The following SMG1 variants were observed in gnomAD, a reference collection of about 807,000 sequenced individuals.
The protein encoded by SMG1 is serine/threonine-protein kinase SMG1.
Under a neutral mutation model 419.9 loss-of-function variants are expected in SMG1, and 22 were observed. That is an observed-to-expected ratio of 0.05 (90% CI 0.04 to 0.07). SMG1 has a LOEUF of 0.07. SMG1 is among the 10% of genes least tolerant of loss of function. SMG1 has a pLI of 1.00. For missense variants in SMG1, 3,185 were observed against 4,342.0 expected (o/e 0.73, Z 7.49); for synonymous variants, 1,538 against 1,553.5 (o/e 0.99, Z 0.23).
rs746488484 is a variant in SMG1, at chr16:18,834,296, A to T, written c.8473T>A (p.Cys2825Ser). 1.2e-6 allele frequency: 2 copies of T among 1,612,362 alleles called. No individual in the cohort carries two copies. The highest frequency in any genetic ancestry group is 1.7e-6 in the Non-Finnish European group (2 of 1,179,234). ...TCTAAGTCCTGTGGCACCAGGTGGCACTGCTTCAGTAACTGAACCAAGCAG... is the reference window on the plus strand; with the variant it reads ...TCTAAGTCCTGTGGCACCAGGTGGCTCTGCTTCAGTAACTGAACCAAGCAG... Reference protein sequence around the residue: ...VTCLVQLLKQCHLVPQDLDIP... With the variant: ...VTCLVQLLKQSHLVPQDLDIP... The change falls in exon 50 of 63, where the codon TGC becomes AGC. Residue 2825 changes from cysteine to serine, a missense_variant. By Grantham distance (112) the Cys-to-Ser change is moderately radical. Around this residue, in one of 27 missense-constraint regions of SMG1, gnomAD observed 412 missense variants for 546.6 expected, o/e 0.75. Transcript: ENST00000446231.
At chr16:18,838,954 C>CTA (rs1224304711) in intron 42 of SMG1, among the ~76,000 whole-genome samples, 3 of 152,044 alleles carry the variant, frequency 2.0e-5, no homozygotes, top group Admixed American at 6.6e-5. Flanking sequence ...TTCAGTCTTC[C>CTA]TAGTTTGTCC....
In SMG1 at chr16:18,884,955, T is replaced by A. The variant is rs1051842986; in HGVS notation, c.1021+135A>T. On this transcript the variant is annotated intron_variant, in intron 8 of 62. Transcript: ENST00000446231. ...ATACATATTTAGCTAACAAGTAATGTTCATTTACAATAAAACATTTCTCTG... is the reference window on the plus strand; with the variant it reads ...ATACATATTTAGCTAACAAGTAATGATCATTTACAATAAAACATTTCTCTG... The A allele has an allele frequency of 2.5e-5, 16 of 644,324 alleles. No homozygotes were observed. The African/African-American group carries it at 2.8e-4, about 11-fold the overall frequency. 39.9% of individuals were successfully genotyped at this position (644,324 alleles called of 1,614,324 possible).
At chr16:18,895,204 G>C (rs1197170695) in intron 3 of SMG1, among the ~76,000 whole-genome samples, 2 of 152,162 alleles carry the variant, frequency 1.3e-5, no homozygotes, top group Admixed American at 1.3e-4. Context: ...CTTTAGAAAA[G>C]TGCCCACTCT....
At chr16:18,851,691 C>G (rs906766115) in intron 33 of SMG1, among the ~76,000 whole-genome samples, 2 of 152,062 alleles carry the variant, frequency 1.3e-5, no homozygotes, top group Admixed American at 1.3e-4. Flanking sequence ...TACAGGCATG[C>G]ACCACCACAC....
At chr16:18,866,564 T>C (rs2035520010) in intron 23 of SMG1, 57 bp downstream of exon 23, 3 of 1,509,828 alleles carry the variant, frequency 2.0e-6, no homozygotes, top group African/African-American at 1.4e-5. Context: ...CAGTGAGTAA[T>C]ACACAGAACT....
In SMG1 at chr16:18,815,206, T is replaced by C; in HGVS notation, c.10590A>G (p.Ser3530=). The C allele has an allele frequency of 6.3e-7, 1 of 1,595,544 alleles. No homozygotes were observed. The highest frequency in any genetic ancestry group is 8.5e-7 in the Non-Finnish European group (1 of 1,170,492). ...CGAAGGATGGCTGATAAGTAGCAGA[T>C]GACGTTGGACTCGAACATTCATTTG... The part of the protein sequence containing the change: ...DATNECSSPT[S]SATYQPSFAA... Residue 3530 remains serine, a synonymous_variant, in exon 60 of 63, where the codon TCA becomes TCG. Transcript: ENST00000446231.
At chr16:18,868,468 T>G in intron 21 of SMG1, 55 bp downstream of exon 21, 1 of 1,468,574 alleles carries the variant, frequency 6.8e-7, no homozygotes, top group Non-Finnish European at 9.4e-7. Context: ...CTGCACATAC[T>G]GCCAGCTGTG....
rs557912748 is a variant in SMG1, at chr16:18,868,505, T to C, written c.3030+18A>G. ...CCATTAAACTGCTATAAAACAACAC[T>C]ATCTCATGGAAACCAACCTTGGGAG... On this transcript the variant is annotated intron_variant, in intron 21 of 62. Coordinates refer to ENST00000446231, the MANE Select transcript of SMG1 (RefSeq NM_015092.5). 4 of 1,462,384 alleles carry C rather than the reference T, an allele frequency of 2.7e-6. No homozygotes were observed. The highest frequency in any genetic ancestry group is 4.5e-5 in the East Asian group (2 of 44,164). 90.6% of individuals were successfully genotyped at this position (1,462,384 alleles called of 1,614,324 possible).
intron 1 of SMG1, among the ~76,000 whole-genome samples, chr16:18,909,582 G>T (rs1394305303): frequency 1.3e-5 from 2 of 151,954 alleles, no homozygotes; most frequent in Non-Finnish European, 2.9e-5. Flanking sequence ...AACTCTAAAA[G>T]AAAATGAAAT....
At chr16:18,922,287 G>A (rs1370524826) in intron 1 of SMG1, among the ~76,000 whole-genome samples, 1 of 152,144 alleles carries the variant, frequency 6.6e-6, no homozygotes, top group African/African-American at 2.4e-5. Flanking sequence ...TTTTTTTAGG[G>A]AAGAGGAGTA....
At chr16:18,819,432 A>G in intron 56 of SMG1, 70 bp downstream of exon 56, 2 of 1,532,034 alleles carry the variant, frequency 1.3e-6, no homozygotes, top group Non-Finnish European at 1.8e-6. Context: ...GTTACCCCAC[A>G]TATAACTTCC....
Position 18,833,069 on chromosome 16 carries a change from T to A in SMG1, c.8663A>T (p.Asp2888Val), listed in dbSNP as rs1457937476. 5.6e-6 allele frequency: 9 copies of A among 1,613,844 alleles called. No individual in the cohort carries two copies. The highest frequency in any genetic ancestry group is 6.8e-6 in the Non-Finnish European group (8 of 1,179,804). Residue 2888 changes from aspartate (D) to valine (V), a missense_variant, in exon 51 of 63, where the codon GAC becomes GTC. Around this residue, in one of 27 missense-constraint regions of SMG1, gnomAD observed 737 missense variants for 846.6 expected, o/e 0.87. Transcript: ENST00000446231. ...ATCGGTGGTCTGCTCAATAAGACCG[T>A]CCAGTTCATGCAGCATACTTTCTAA... The part of the protein sequence containing the change: ...YTLESMLHEL[D>V]GLIEQTTDGV...
At chr16:18,853,924 G>C in intron 30 of SMG1, 57 bp from the exon 31 acceptor site, 7 of 1,477,370 alleles carry the variant, frequency 4.7e-6, no homozygotes, top group African/African-American at 1.4e-5. Context: ...GATGGAGGGA[G>C]GCACTTGGAT....
chr16:18,890,541 T>C (rs1289983665), intron 5 of SMG1, among the ~76,000 whole-genome samples: 1 of 152,104 alleles, frequency 6.6e-6, no homozygotes, highest in Non-Finnish European at 1.5e-5. Flanking sequence ...TCCCAGCTAC[T>C]TGGGAGGCTG....
At chr16:18,839,968 T>A (rs551681567) in intron 41 of SMG1, 22 bp from the exon 42 acceptor site, 174 of 1,509,808 alleles carry the variant, frequency 1.2e-4, no homozygotes, top group South Asian at 6.7e-4. Context: ...ACAATTTTTT[T>A]AAAAAAGAAA....
chr16:18,835,227 T>C (rs1166574186), intron 48 of SMG1, 63 bp from the exon 49 acceptor site: 4 of 1,474,938 alleles, frequency 2.7e-6, no homozygotes, highest in African/African-American at 2.8e-5. Context: ...CAAAAGAATA[T>C]TGCATTTAAT....
At chr16:18,910,496 C>T (rs2037750909) in intron 1 of SMG1, among the ~76,000 whole-genome samples, 1 of 151,418 alleles carries the variant, frequency 6.6e-6, no homozygotes, top group African/African-American at 2.4e-5. Flanking sequence ...TCCCAAAGTG[C>T]TGGGATTACA....
At chr16:18,855,707 T>C (rs74572265) in intron 29 of SMG1, among the ~76,000 whole-genome samples, 14,429 of 152,230 alleles carry the variant, frequency 0.095, 739 homozygotes, top group Middle Eastern at 0.18. Flanking sequence ...TTTCTTTCCC[T>C]ACTGCCACCC....
chr16:18,907,872 G>C (rs1287304698), intron 1 of SMG1, among the ~76,000 whole-genome samples: 1 of 110,058 alleles, frequency 9.1e-6, no homozygotes, highest in Non-Finnish European at 2.0e-5. Flanking sequence ...AAAAAAAAGA[G>C]ACCCTACTTC....
Sources: allele counts gnomAD v4.1 joint callset (sites outside exome capture counted in the v4.1 genomes callset), GRCh38; gene constraint gnomAD v4.1.1; regional missense constraint gnomAD v4.1.1; transcripts MANE v1.5; gene names NCBI Gene and HGNC (gene_info 2026-07-23, HGNC 2026-07-21).